Variants in FUCA1 observed in about 807,000 individuals in gnomAD.
FUCA1 encodes tissue alpha-L-fucosidase.
In FUCA1, 52 loss-of-function variants were observed where a neutral mutation model predicts 56.8. The ratio of observed to expected loss-of-function variants is 0.92; its 90% CI spans 0.73 to 1.15. The LOEUF is 1.15. FUCA1 is among the 50% of genes most tolerant of loss of function. The pLI, the probability that FUCA1 is intolerant of heterozygous loss-of-function variation, is 0.00. For missense variants in FUCA1, 568 were observed against 592.6 expected, an observed-to-expected ratio of 0.96 and a Z score of 0.43; for synonymous variants, 230 against 226.6, an observed-to-expected ratio of 1.02 and a Z score of -0.14.
In FUCA1 at chr1:23,846,028, T is replaced by C. The variant is rs781751550; in HGVS notation, c.1260+46A>G. 3 of 1,537,262 alleles carry C rather than the reference T, an allele frequency of 2.0e-6. No individual in the cohort carries two copies. The Admixed American group carries it at 5.0e-5, about 26-fold the overall frequency. ...AAGGAAGAAAGGAAGGATCTGCCAATTCCTTTACAGAAAGTTACATCTTAA... is the reference window on the plus strand; with the variant it reads ...AAGGAAGAAAGGAAGGATCTGCCAACTCCTTTACAGAAAGTTACATCTTAA... On this transcript the variant is annotated intron_variant, in intron 7 of 7. Transcript: ENST00000374479.
intron 6 of FUCA1, among the ~76,000 whole-genome samples, 188 bp from the exon 7 acceptor site, chr1:23,846,361 T>C (rs955903509): frequency 1.7e-4 from 26 of 151,120 alleles, no homozygotes; most frequent in Admixed American, 4.7e-4. Flanking sequence ...AACCTCCGCC[T>C]CCTGGGTTCA....
chr1:23,868,183 C>A lies in FUCA1; in HGVS notation c.104G>T (p.Arg35Leu), dbSNP rs748584281. Reference sequence around the variant, plus strand: ...GCTCGGCCAGTCTGGGGTGTAGCGGCGCGGAGGCTGGGCCCGACGCACCGA... The same window carrying A: ...GCTCGGCCAGTCTGGGGTGTAGCGGAGCGGAGGCTGGGCCCGACGCACCGA... ...AESVRRAQPP[R>L]RYTPDWPSLD... The change falls in exon 1 of 8, where the codon CGC (arginine) becomes CTC (leucine). Residue 35 changes from arginine (R) to leucine (L), a missense_variant. By Grantham distance (102) the Arg-to-Leu change is moderately radical (BLOSUM62 -2). Transcript: ENST00000374479. The A allele has an allele frequency of 6.2e-7, 1 of 1,604,800 alleles. No individual in the cohort carries two copies. Among genetic ancestry groups the A allele is most frequent in the African/African-American group, 1.3e-5 (1 of 74,890 alleles).
chr1:23,862,848 G>C (rs543127507), intron 3 of FUCA1, among the ~76,000 whole-genome samples: 46 of 152,302 alleles, frequency 3.0e-4, no homozygotes, highest in Admixed American at 1.1e-3. Flanking sequence ...CCAGGGTCCT[G>C]ACATAGGGAA....
intron 4 of FUCA1, among the ~76,000 whole-genome samples, chr1:23,856,173 G>A (rs1639385091): frequency 6.6e-6 from 1 of 152,058 alleles, no homozygotes; most frequent in African/African-American, 2.4e-5. Context: ...AAATCCAAAG[G>A]CAAATATCAC....
intron 6 of FUCA1, among the ~76,000 whole-genome samples, chr1:23,846,795 T>A (rs756648796): frequency 6.6e-6 from 1 of 152,156 alleles, no homozygotes; most frequent in Non-Finnish European, 1.5e-5. Flanking sequence ...TTGGCCAGAC[T>A]GGTCTTGAAC....
chr1:23,857,956 C>G (rs1042222906), intron 4 of FUCA1, among the ~76,000 whole-genome samples: 7 of 151,758 alleles, frequency 4.6e-5, no homozygotes, highest in Admixed American at 2.6e-4. Context: ...GCGTGAGCCA[C>G]CACGCCCGGC....
chr1:23,862,839 C>A (rs1022403144), intron 3 of FUCA1, among the ~76,000 whole-genome samples: 1 of 152,202 alleles, frequency 6.6e-6, no homozygotes, highest in Non-Finnish European at 1.5e-5. Context: ...ACCCCCTCTC[C>A]AGGGTCCTGA....
rs538665915 is a variant in FUCA1 at position 23,854,651 on chromosome 1, G to C, written c.769-91C>G. 15 of 1,112,312 alleles carry C rather than the reference G, an allele frequency of 1.3e-5. No individual in the cohort carries two copies. In the East Asian group the frequency reaches 3.1e-4, roughly 23 times the overall value. 68.9% of individuals were successfully genotyped at this position (1,112,312 alleles called of 1,614,324 possible). A position where few individuals can be genotyped will look rare whatever the true frequency, so the allele number is the denominator to read the frequency against. On this transcript the variant is annotated intron_variant, in intron 4 of 7. Transcript: ENST00000374479. ...TTGGTAAGGCTCTATTTGGAAGCAAGAAACTTAGTCTAGAGCAGTGGCTGT... is the reference window on the plus strand; with the variant it reads ...TTGGTAAGGCTCTATTTGGAAGCAACAAACTTAGTCTAGAGCAGTGGCTGT...
intron 5 of FUCA1, among the ~76,000 whole-genome samples, chr1:23,852,990 G>C (rs1310308771): frequency 6.8e-6 from 1 of 147,478 alleles, no homozygotes; most frequent in Non-Finnish European, 1.5e-5. Flanking sequence ...TGGAAAATGA[G>C]GAGCGTCTCT....
chr1:23,859,741 G>T, intron 4 of FUCA1, 57 bp downstream of exon 4: 2 of 1,108,528 alleles, frequency 1.8e-6, no homozygotes, highest in Non-Finnish European at 2.8e-6. Flanking sequence ...CCAGAGTTTG[G>T]CTCCTTGCAC....
chr1:23,855,907 C>T (rs1639379985), intron 4 of FUCA1, among the ~76,000 whole-genome samples: 1 of 152,190 alleles, frequency 6.6e-6, no homozygotes, highest in Admixed American at 6.6e-5. Flanking sequence ...TGGGCAGATA[C>T]TGGGTCTCCA....
In FUCA1 at chr1:23,868,038, G is replaced by A. The variant is rs1306610349; in HGVS notation, c.249C>T (p.Gly83=). Reference sequence around the variant, plus strand: ...AGCGCTGGTACTGCGGCCGCCCCTCGCCCTGCCAGTGCCACCAGAACCACT... The same window carrying A: ...AGCGCTGGTACTGCGGCCGCCCCTCACCCTGCCAGTGCCACCAGAACCACT... The part of the protein sequence containing the change: ...GSEWFWWHWQ[G]EGRPQYQRFM... Residue 83 remains glycine (G), a synonymous_variant, in exon 1 of 8, where the codon GGC becomes GGT. Coordinates refer to ENST00000374479, the MANE Select transcript of FUCA1 (RefSeq NM_000147.5). 1.2e-6 allele frequency: 2 copies of A among 1,610,082 alleles called. No homozygotes were observed. The highest frequency in any genetic ancestry group is 1.1e-5 in the South Asian group (1 of 90,684).
intron 5 of FUCA1, among the ~76,000 whole-genome samples, chr1:23,850,640 C>T (rs573526450): frequency 7.9e-5 from 12 of 152,156 alleles, no homozygotes; most frequent in Admixed American, 2.0e-4. Context: ...TGTGCCACCA[C>T]GCCCAGCTAA....
chr1:23,864,280 G>C (rs1639576141), intron 2 of FUCA1, among the ~76,000 whole-genome samples: 1 of 151,736 alleles, frequency 6.6e-6, no homozygotes. Flanking sequence ...ACTAGAGACG[G>C]GGTTTCACTG....
intron 5 of FUCA1, among the ~76,000 whole-genome samples, chr1:23,852,305 T>C (rs1639278481): frequency 6.6e-6 from 1 of 151,826 alleles, no homozygotes; most frequent in African/African-American, 2.4e-5. Context: ...CCTGTAGTTC[T>C]AGCTACTCAG....
chr1:23,846,700 G>A (rs1174598356), intron 6 of FUCA1, among the ~76,000 whole-genome samples: 3 of 151,906 alleles, frequency 2.0e-5, no homozygotes. Flanking sequence ...TCCTGCCTCA[G>A]GCTCCTGAGT....
intron 3 of FUCA1, among the ~76,000 whole-genome samples, chr1:23,860,974 G>T (rs1411339538): frequency 6.6e-6 from 1 of 151,750 alleles, no homozygotes; most frequent in South Asian, 2.1e-4. Context: ...GGAAATGGAG[G>T]TGTAATCAGC....
intron 4 of FUCA1, among the ~76,000 whole-genome samples, chr1:23,857,529 G>A (rs373985883): frequency 1.3e-5 from 2 of 151,380 alleles, no homozygotes; most frequent in East Asian, 1.9e-4. Flanking sequence ...ACAGAGTCTC[G>A]CTCTGTTGCG....
In FUCA1 at chr1:23,860,359, G is replaced by A. The variant is rs963980543; in HGVS notation, c.663-456C>T. 2.0e-4 allele frequency among the ~76,000 whole-genome samples: 31 copies of A among 151,972 alleles called. 1 individual carries two copies. In the East Asian group the frequency reaches 5.3e-3, roughly 26 times the overall value. Reference sequence around the variant, plus strand: ...AGCACTTTGGGAGGCCGAGATGGGCGGATCACGAGGTCAGGAGATCGAGAC... The same window carrying A: ...AGCACTTTGGGAGGCCGAGATGGGCAGATCACGAGGTCAGGAGATCGAGAC... On this transcript the variant is annotated intron_variant, in intron 3 of 7. Transcript: ENST00000374479.
Sources: allele counts gnomAD v4.1 joint callset (sites outside exome capture counted in the v4.1 genomes callset), GRCh38; gene constraint gnomAD v4.1.1; transcripts MANE v1.5; gene names NCBI Gene and HGNC (gene_info 2026-07-23, HGNC 2026-07-21).